Variants in LPP observed in about 807,000 individuals in gnomAD.
The protein encoded by LPP is lipoma-preferred partner.
In LPP, 38 loss-of-function variants were observed where a neutral mutation model predicts 60.4. The ratio of observed to expected loss-of-function variants is 0.63; its 90% confidence interval spans 0.49 to 0.83. The LOEUF (loss-of-function observed/expected upper bound fraction) is 0.83, where lower values mean the gene tolerates loss of function less well. LPP is among the 40% of genes least tolerant of loss of function. LPP has a pLI of 0.00. For missense variants in LPP, 902 were observed against 783.6 expected, an observed-to-expected ratio of 1.15 and a Z score of -1.80; for synonymous variants, 328 against 290.8, an observed-to-expected ratio of 1.13 and a Z score of -1.30.
intron 3 of LPP, among the ~76,000 whole-genome samples, chr3:188,361,756 T>C (rs531501695): frequency 2.6e-5 from 4 of 152,032 alleles, no homozygotes; most frequent in Admixed American, 2.6e-4. Context: ...TTAGTAGAGA[T>C]GGGGTTTTGC....
intron 2 of LPP, among the ~76,000 whole-genome samples, chr3:188,276,167 C>A (rs190530534): frequency 1.2e-3 from 189 of 152,344 alleles, no homozygotes; most frequent in African/African-American, 4.4e-3. Flanking sequence ...TCTCTTGTCT[C>A]CCATTTTTGT....
At chr3:188,409,751 A>G (rs1784465958) in intron 4 of LPP, among the ~76,000 whole-genome samples, 1 of 152,140 alleles carries the variant, frequency 6.6e-6, no homozygotes, top group South Asian at 2.1e-4. Context: ...CTTTTAATTC[A>G]TTGCTTAAAA....
At chr3:188,717,429 G>A (rs528807224) in intron 8 of LPP, among the ~76,000 whole-genome samples, 3 of 152,288 alleles carry the variant, frequency 2.0e-5, no homozygotes, top group African/African-American at 7.2e-5. Flanking sequence ...TTACAAACTG[G>A]GAAATGACTC....
intron 2 of LPP, among the ~76,000 whole-genome samples, chr3:188,330,554 G>C (rs1290515017): frequency 1.3e-5 from 2 of 152,094 alleles, no homozygotes; most frequent in East Asian, 3.9e-4. Context: ...TTAGACCTCA[G>C]GTTACCCTTC....
chr3:188,826,918 G>A (rs905643564), intron 9 of LPP, among the ~76,000 whole-genome samples: 4 of 151,972 alleles, frequency 2.6e-5, no homozygotes, highest in African/African-American at 9.7e-5. Context: ...ATCTTCTCCT[G>A]TCTCTTCCCT....
chr3:188,184,909 G>C (rs889503098), intron 1 of LPP, among the ~76,000 whole-genome samples: 2 of 152,010 alleles, frequency 1.3e-5, no homozygotes, highest in Admixed American at 1.3e-4. Context: ...CCTAGGTTTC[G>C]AAAGGCTCCA....
rs578184039 is a variant in LPP at position 188,726,321 on chromosome 3, A to G, written c.1240+17928A>G. ...GGCTGAGACTTATTCCTGGGCCTCT[A>G]TCTTGGGTGGGTAATGACATCACTA... On this transcript the variant is annotated intron_variant, in intron 8 of 11. Transcript: ENST00000617246. Among the ~76,000 whole-genome samples, 7 of 152,244 alleles carry G rather than the reference A, an allele frequency of 4.6e-5. No individual in the cohort carries two copies. The East Asian group carries it at 5.8e-4, about 13-fold the overall frequency.
intron 6 of LPP, among the ~76,000 whole-genome samples, chr3:188,595,649 G>A (rs895114866): frequency 6.6e-6 from 1 of 152,130 alleles, no homozygotes; most frequent in African/African-American, 2.4e-5. Context: ...AAAATATCAA[G>A]TAGGCGCTTT....
intron 2 of LPP, among the ~76,000 whole-genome samples, chr3:188,324,714 C>CT (rs1208318437): frequency 2.0e-5 from 3 of 152,110 alleles, no homozygotes; most frequent in East Asian, 3.9e-4. Context: ...CCCTTGTGGC[C>CT]TTTTTCCACA....
In LPP at chr3:188,286,288, C is replaced by G. The variant is rs148040664; in HGVS notation, c.-66-55375C>G. ...TGGTCATGGAGGCTTCCATTCCTCT[C>G]TCCTTGTGTTGAGCAGGGAATTGCT... On this transcript the variant is annotated intron_variant, in intron 2 of 11. Transcript: ENST00000617246. 5.5e-4 allele frequency among the ~76,000 whole-genome samples: 84 copies of G among 152,280 alleles called. No individual in the cohort carries two copies. The Middle Eastern group carries it at 0.01, about 18-fold the overall frequency.
intron 5 of LPP, among the ~76,000 whole-genome samples, chr3:188,506,516 C>T (rs1326162330): frequency 3.9e-5 from 6 of 152,074 alleles, no homozygotes; most frequent in African/African-American, 1.4e-4. Context: ...ACATGGGAGA[C>T]TTGTAGAAAT....
chr3:188,384,318 G>T (rs1777628032), intron 3 of LPP, among the ~76,000 whole-genome samples: 1 of 104,078 alleles, frequency 9.6e-6, no homozygotes, highest in South Asian at 3.8e-4. Context: ...TTATGGTAGT[G>T]TATGTATGTG....
intron 9 of LPP, among the ~76,000 whole-genome samples, chr3:188,783,838 G>A (rs1740637539): frequency 7.2e-6 from 1 of 138,568 alleles, no homozygotes; most frequent in Non-Finnish European, 1.6e-5. Flanking sequence ...CCAAAACCGT[G>A]AGTCTAATCA....
intron 1 of LPP, among the ~76,000 whole-genome samples, chr3:188,154,778 G>T (rs1715695965): frequency 6.6e-6 from 1 of 152,204 alleles, no homozygotes; most frequent in Non-Finnish European, 1.5e-5. Context: ...CCCTGTGCTG[G>T]GTGTATTGGA....
intron 6 of LPP, among the ~76,000 whole-genome samples, chr3:188,551,761 A>T (rs1282600954): frequency 1.3e-5 from 2 of 152,032 alleles, no homozygotes; most frequent in African/African-American, 4.8e-5. Context: ...TGCCATAGAG[A>T]TCAATTTTCC....
At chr3:188,528,799 C>A (rs1821376884) in intron 6 of LPP, among the ~76,000 whole-genome samples, 1 of 152,120 alleles carries the variant, frequency 6.6e-6, no homozygotes, top group Non-Finnish European at 1.5e-5. Flanking sequence ...GTTCTAAACA[C>A]CAGATTGAGG....
chr3:188,415,375 C>T (rs13098877), intron 4 of LPP, among the ~76,000 whole-genome samples: 62,711 of 151,824 alleles, frequency 0.41, 13,862 homozygotes, highest in East Asian at 0.64. Flanking sequence ...AACTCTTTGG[C>T]GGTATTTTAC....
chr3:188,575,516 C>T (rs1286036713), intron 6 of LPP, among the ~76,000 whole-genome samples: 1 of 152,094 alleles, frequency 6.6e-6, no homozygotes, highest in Admixed American at 6.6e-5. Flanking sequence ...TGAAATGGTA[C>T]AGCTAGTACG....
chr3:188,649,227 T>C (rs1560702856), intron 7 of LPP, among the ~76,000 whole-genome samples: 1 of 152,230 alleles, frequency 6.6e-6, no homozygotes, highest in Admixed American at 6.5e-5. Context: ...TAGCTTTAAG[T>C]TTCCAGTATG....
Sources: allele counts gnomAD v4.1 joint callset (sites outside exome capture counted in the v4.1 genomes callset), GRCh38; gene constraint gnomAD v4.1.1; transcripts MANE v1.5; gene names NCBI Gene and HGNC (gene_info 2026-07-23, HGNC 2026-07-21).